KIF5C: variants seen among roughly 807,000 people sequenced by gnomAD.
KIF5C encodes the protein kinesin family member 5C.
KIF5C carries 18 observed loss-of-function variants against 125.2 expected under a neutral mutation model. The observed-to-expected ratio is 0.14, with a 90% confidence interval of 0.10 to 0.21. KIF5C has a LOEUF of 0.21. Ranked by LOEUF, KIF5C falls within the 10% of genes least tolerant of loss-of-function variation. The pLI, the probability that KIF5C is intolerant of heterozygous loss-of-function variation, is 1.00. For missense variants in KIF5C, 780 were observed against 1,183.8 expected (o/e 0.66, Z 5.01); for synonymous variants, 405 against 434.0 (o/e 0.93, Z 0.83).
chr2:148,997,349 G>C lies in KIF5C; in HGVS notation c.2100+9G>C. On this transcript the variant is annotated intron_variant, in intron 18 of 25. Transcript: ENST00000435030. ...ATGCTGAAGAAATGAAGGTGTGTGTGGCTGCCCCTTCCATCAAGCCCAGTG... is the reference window on the plus strand; with the variant it reads ...ATGCTGAAGAAATGAAGGTGTGTGTCGCTGCCCCTTCCATCAAGCCCAGTG... 1 of 1,613,936 alleles carries C rather than the reference G, an allele frequency of 6.2e-7. No individual in the cohort carries two copies. The highest frequency in any genetic ancestry group is 8.5e-7 in the Non-Finnish European group (1 of 1,179,878).
chr2:148,939,042 C>T (rs564908332), intron 4 of KIF5C, among the ~76,000 whole-genome samples: 1 of 150,104 alleles, frequency 6.7e-6, no homozygotes, highest in Non-Finnish European at 1.5e-5. Flanking sequence ...TTGCAGTGAG[C>T]TGAGATCACT....
At chr2:149,007,926 G>A in intron 22 of KIF5C, 37 bp from the exon 23 acceptor site, 1 of 1,519,838 alleles carries the variant, frequency 6.6e-7, no homozygotes, top group Middle Eastern at 2.0e-4. Flanking sequence ...GTGGGTGGGT[G>A]ACAGCCTGTC....
At chr2:148,981,316 C>T in intron 13 of KIF5C, 39 bp from the exon 14 acceptor site, 1 of 1,557,864 alleles carries the variant, frequency 6.4e-7, no homozygotes. Flanking sequence ...AACATTTGAA[C>T]ATTAGATTCA....
chr2:149,000,980 G>C (rs554043883), intron 21 of KIF5C, among the ~76,000 whole-genome samples, 198 bp downstream of exon 21: 1 of 152,302 alleles, frequency 6.6e-6, no homozygotes, highest in East Asian at 1.9e-4. Context: ...TCTATCCTTA[G>C]AGCAGTAACC....
chr2:148,908,989 T>C (rs1558885152), intron 1 of KIF5C, among the ~76,000 whole-genome samples: 1 of 152,190 alleles, frequency 6.6e-6, no homozygotes. Flanking sequence ...GAGCATATAT[T>C]ATAGAGCTTT....
intron 1 of KIF5C, among the ~76,000 whole-genome samples, chr2:148,908,349 C>A (rs1031773563): frequency 6.6e-6 from 1 of 152,198 alleles, no homozygotes; most frequent in African/African-American, 2.4e-5. Flanking sequence ...TGATGGAGAA[C>A]AGCTCTCTCC....
At chr2:148,897,979 A>G (rs938956980) in intron 1 of KIF5C, among the ~76,000 whole-genome samples, 15 of 124,322 alleles carry the variant, frequency 1.2e-4, no homozygotes, top group East Asian at 1.1e-3. Context: ...TGCTCCAGGG[A>G]GAGGTGGTGC....
chr2:148,999,540 T>C (rs1444896804), intron 19 of KIF5C, among the ~76,000 whole-genome samples: 1 of 152,256 alleles, frequency 6.6e-6, no homozygotes, highest in East Asian at 1.9e-4. Flanking sequence ...AGGAAGGCAC[T>C]TAGCCTCCTC....
chr2:148,922,998 G>A (rs1681851157), intron 2 of KIF5C, among the ~76,000 whole-genome samples: 1 of 152,184 alleles, frequency 6.6e-6, no homozygotes. Context: ...AGCTTGCATT[G>A]GCAGGCTTGC....
At chr2:148,956,014 T>C (rs138018742) in intron 10 of KIF5C, among the ~76,000 whole-genome samples, 221 of 152,340 alleles carry the variant, frequency 1.5e-3, no homozygotes, top group African/African-American at 5.0e-3. Flanking sequence ...GCACTCCTCG[T>C]GTCATTTAGA....
chr2:148,974,644 T>C (rs559561571), intron 12 of KIF5C, among the ~76,000 whole-genome samples: 40 of 152,340 alleles, frequency 2.6e-4, no homozygotes, highest in African/African-American at 9.1e-4. Flanking sequence ...ATGTATTTTA[T>C]GCAAAACAAA....
chr2:149,014,414 A>G lies in KIF5C; in HGVS notation c.*7+2731A>G, dbSNP rs539775532. 2.3e-4 allele frequency among the ~76,000 whole-genome samples: 35 copies of G among 152,338 alleles called. 1 individual carries two copies. In the South Asian group the frequency reaches 7.0e-3, roughly 31 times the overall value. On this transcript the variant is annotated intron_variant, in intron 25 of 25. Transcript: ENST00000435030. ...CCTCCTTGACATACCTTCTCCACAC[A>G]GCTTCAGACACAGCTTCTGTAACTA...
chr2:148,970,522 T>G (rs1338976969), intron 11 of KIF5C, among the ~76,000 whole-genome samples: 1 of 152,184 alleles, frequency 6.6e-6, no homozygotes, highest in Non-Finnish European at 1.5e-5. Flanking sequence ...TGAGACCTGT[T>G]AAAAGGTACA....
intron 8 of KIF5C, 145 bp downstream of exon 8, chr2:148,947,168 TA>T: frequency 7.8e-7 from 1 of 1,274,502 alleles, no homozygotes; most frequent in East Asian, 2.6e-5. Context: ...TTATTACATT[TA>T]ACCCTTTGTC....
intron 25 of KIF5C, among the ~76,000 whole-genome samples, chr2:149,016,157 C>T (rs1373826372): frequency 6.6e-6 from 1 of 152,142 alleles, no homozygotes; most frequent in African/African-American, 2.4e-5. Context: ...TCTGGGAGAA[C>T]CCATCTTCAT....
chr2:148,880,833 G>T (rs78753426), intron 1 of KIF5C, among the ~76,000 whole-genome samples: 1 of 152,108 alleles, frequency 6.6e-6, no homozygotes, highest in South Asian at 2.1e-4. Context: ...GTAATCTGGC[G>T]TGTGTCACTG....
At chr2:148,943,754 C>T (rs1227324372) in intron 7 of KIF5C, among the ~76,000 whole-genome samples, 1 of 152,180 alleles carries the variant, frequency 6.6e-6, no homozygotes, top group Admixed American at 6.5e-5. Flanking sequence ...CATTGGTTTC[C>T]TGACTGGTCT....
intron 12 of KIF5C, 135 bp from the exon 13 acceptor site, chr2:148,978,787 T>G (rs1681148627): frequency 1.6e-6 from 2 of 1,219,376 alleles, no homozygotes; most frequent in Non-Finnish European, 2.1e-6. Context: ...GGAATCTGTC[T>G]GTTTTCTGTG....
intron 1 of KIF5C, among the ~76,000 whole-genome samples, chr2:148,893,948 T>C (rs1170433161): frequency 1.3e-5 from 2 of 152,310 alleles, no homozygotes; most frequent in South Asian, 2.1e-4. Flanking sequence ...AATTCATTTA[T>C]CTTACCTTCA....
Sources: gnomAD v4.1 joint callset for allele counts (sites outside exome capture counted in the v4.1 genomes callset) on GRCh38, gnomAD v4.1.1 for gene constraint, MANE v1.5 for transcripts, NCBI Gene and HGNC (gene_info 2026-07-23, HGNC 2026-07-21) for gene names.